The following PLS3 variants were observed in gnomAD, a reference collection of about 807,000 sequenced individuals.
The protein encoded by PLS3 is plastin 3.
Under a neutral mutation model 46.5 loss-of-function variants are expected in PLS3, and 11 were observed. That is an observed-to-expected ratio of 0.24 (90% CI 0.15 to 0.39). PLS3 has a LOEUF of 0.39. PLS3 is among the 10% of genes least tolerant of loss of function. PLS3 has a pLI of 1.00. For synonymous variants in PLS3, 167 were observed against 162.2 expected, an observed-to-expected ratio of 1.03 and a Z score of -0.22; for missense variants, 308 against 461.8, an observed-to-expected ratio of 0.67 and a Z score of 3.05.
chrX:115,615,739 G>A (rs1405637911), intron 2 of PLS3, among the ~76,000 whole-genome samples: 1 of 111,246 alleles, frequency 9.0e-6, no homozygotes, highest in African/African-American at 3.3e-5. Flanking sequence ...CAGTGATAAG[G>A]TAGAGTTTCC....
chrX:115,646,312 G>A, intron 12 of PLS3, 90 bp from the exon 13 acceptor site: 1 of 991,160 alleles, frequency 1.0e-6, no homozygotes, highest in Non-Finnish European at 1.4e-6. Flanking sequence ...GTTTTTGTGT[G>A]CTGATACCTA....
intron 2 of PLS3, among the ~76,000 whole-genome samples, chrX:115,613,104 C>T (rs1189364143): frequency 4.5e-5 from 5 of 111,900 alleles, no homozygotes; most frequent in Non-Finnish European, 9.4e-5. Context: ...AAGAAAAATT[C>T]ATGTAATGTA....
chrX:115,563,416 A>G (rs189711054), intron 1 of PLS3, among the ~76,000 whole-genome samples: 33 of 111,454 alleles, frequency 3.0e-4, no homozygotes, highest in African/African-American at 8.5e-4. Flanking sequence ...ATATTGACCT[A>G]TACCCGCCCA....
chrX:115,630,672 C>CTA (rs201131129), intron 5 of PLS3, among the ~76,000 whole-genome samples: 1,491 of 96,670 alleles, frequency 0.015, 37 homozygotes, highest in African/African-American at 0.055. Context: ...TTTCAGATAA[C>CTA]TATATATATA....
At chrX:115,627,502 G>A (rs782187210) in intron 3 of PLS3, among the ~76,000 whole-genome samples, 18 of 110,702 alleles carry the variant, frequency 1.6e-4, no homozygotes, top group Non-Finnish European at 3.0e-4. Flanking sequence ...TCACAGAGCA[G>A]CTGCGTTGTT....
At chrX:115,590,616 T>C (rs2074338001) in intron 1 of PLS3, among the ~76,000 whole-genome samples, 1 of 110,780 alleles carries the variant, frequency 9.0e-6, no homozygotes, top group Admixed American at 9.6e-5. Flanking sequence ...GGTCAGGAGT[T>C]CTAGACCAGC....
At chrX:115,644,454 C>T (rs2074930193) in intron 10 of PLS3, among the ~76,000 whole-genome samples, 2 of 109,904 alleles carry the variant, frequency 1.8e-5, no homozygotes, top group Non-Finnish European at 1.9e-5. Flanking sequence ...AAAAATTAGG[C>T]AGGCATTGTG....
chrX:115,614,636 ACTGC>A, intron 2 of PLS3: 3 of 507,210 alleles, frequency 5.9e-6, no homozygotes, highest in Non-Finnish European at 7.3e-6. Context: ...GCTTGATTTC[ACTGC>A]TTAGATCTTG....
intron 5 of PLS3, among the ~76,000 whole-genome samples, chrX:115,631,487 C>T (rs1428675090): frequency 9.0e-6 from 1 of 110,645 alleles, no homozygotes; most frequent in African/African-American, 3.3e-5. Flanking sequence ...CACGCCCAGC[C>T]CTTTGGGAGG....
intron 2 of PLS3, among the ~76,000 whole-genome samples, chrX:115,611,352 T>C (rs782696989): frequency 2.3e-4 from 24 of 106,105 alleles, no homozygotes; most frequent in South Asian, 7.3e-4. Context: ...CGCACGCGCG[T>C]GTGTGTGTGT....
intron 10 of PLS3, among the ~76,000 whole-genome samples, chrX:115,643,913 A>G (rs374440129): frequency 1.8e-5 from 2 of 111,972 alleles, no homozygotes; most frequent in African/African-American, 6.5e-5. Flanking sequence ...CGGAGGTTAC[A>G]GTGAGCCGAG....
intron 1 of PLS3, among the ~76,000 whole-genome samples, chrX:115,579,036 C>T (rs2074265580): frequency 9.0e-6 from 1 of 111,396 alleles, no homozygotes; most frequent in South Asian, 3.8e-4. Flanking sequence ...TTTTATTGTC[C>T]TTTGATAACA....
chrX:115,600,418 C>A (rs926758710), intron 1 of PLS3, among the ~76,000 whole-genome samples: 1 of 111,418 alleles, frequency 9.0e-6, no homozygotes, highest in African/African-American at 3.3e-5. Flanking sequence ...TGAGCCACCA[C>A]CCTCAGCCTC....
chrX:115,625,587 T>G (rs1337948307), intron 3 of PLS3, among the ~76,000 whole-genome samples: 2 of 100,410 alleles, frequency 2.0e-5, no homozygotes, highest in East Asian at 5.9e-4. Flanking sequence ...GGGGTAGTTC[T>G]TTCTTTAAAA....
chrX:115,621,484 T>C (rs2074654708), intron 2 of PLS3, among the ~76,000 whole-genome samples: 1 of 111,887 alleles, frequency 8.9e-6, no homozygotes, highest in Non-Finnish European at 1.9e-5. Flanking sequence ...AAATATATAC[T>C]CAAGTGGTTA....
chrX:115,632,332 G>A (rs1034459032), intron 5 of PLS3, among the ~76,000 whole-genome samples: 2 of 110,399 alleles, frequency 1.8e-5, no homozygotes, highest in East Asian at 2.9e-4. Flanking sequence ...ATAGTGGCTC[G>A]CACCTGTAAT....
chrX:115,600,465 A>G (rs1227740742), intron 1 of PLS3, among the ~76,000 whole-genome samples: 2 of 111,767 alleles, frequency 1.8e-5, no homozygotes, highest in Non-Finnish European at 3.8e-5. Context: ...TGTGTAACCA[A>G]CATCCAGCAA....
chrX:115,582,159 G>A (rs2074282939), intron 1 of PLS3, among the ~76,000 whole-genome samples: 2 of 112,130 alleles, frequency 1.8e-5, no homozygotes, highest in Non-Finnish European at 3.8e-5. Context: ...TGAATTCTCA[G>A]CTAGTGAGCC....
At chrX:115,618,806 G>A (rs782578866) in intron 2 of PLS3, among the ~76,000 whole-genome samples, 4 of 110,898 alleles carry the variant, frequency 3.6e-5, no homozygotes, top group African/African-American at 9.8e-5. Context: ...CAGGAGAATC[G>A]CTTGAACCCA....
Sources: gnomAD v4.1 joint callset for allele counts (sites outside exome capture counted in the v4.1 genomes callset) on GRCh38, gnomAD v4.1.1 for gene constraint, MANE v1.5 for transcripts, NCBI Gene and HGNC (gene_info 2026-07-23, HGNC 2026-07-21) for gene names.